Variants in ZFYVE26 observed in about 807,000 individuals in gnomAD.
ZFYVE26 encodes the protein zinc finger FYVE-type containing 26, also known as zinc finger FYVE domain-containing protein 26.
A neutral mutation model predicts 276.5 loss-of-function variants in ZFYVE26; 181 were observed. That is an observed-to-expected ratio of 0.65 (90% CI 0.58 to 0.74). The LOEUF is 0.74. Among genes scored for constraint, ZFYVE26 ranks in the 30% least tolerant of loss-of-function variants. The pLI is 0.00. For synonymous variants in ZFYVE26, 1,129 were observed against 1,203.1 expected, an observed-to-expected ratio of 0.94 and a Z score of 1.27; for missense variants, 2,821 against 3,097.9, an observed-to-expected ratio of 0.91 and a Z score of 2.12.
At chr14:67,790,289 G>T (rs2039776686) in intron 15 of ZFYVE26, among the ~76,000 whole-genome samples, 1 of 152,200 alleles carries the variant, frequency 6.6e-6, no homozygotes, top group South Asian at 2.1e-4. Flanking sequence ...CAGAGACAGT[G>T]GCCATCAAAA....
Position 67,775,082 on chromosome 14 carries a change from G to A in ZFYVE26, c.5254C>T (p.Gln1752Ter). ...SVIHLQEIVHQAADPETLPRS... is the reference protein window; with the variant it reads ...SVIHLQEIVH ...GGGAGGGTCTCGGGATCTGCAGCCT[G>A]GTGGACAATTTCTTGGAGGTGAATC... Residue 1752 changes from glutamine to a stop codon, truncating the protein, a stop_gained, in exon 27 of 42, where the codon CAG (glutamine) becomes TAG (stop). Transcript: ENST00000347230. LOFTEE classifies it high-confidence loss of function. The A allele has an allele frequency of 6.2e-7, 1 of 1,611,702 alleles. No homozygotes were observed. The highest frequency in any genetic ancestry group is 8.5e-7 in the Non-Finnish European group (1 of 1,179,290).
chr14:67,786,088 GAAGAA>G, intron 17 of ZFYVE26, 21 bp downstream of exon 17: 1 of 1,613,782 alleles, frequency 6.2e-7, no homozygotes, highest in Non-Finnish European at 8.5e-7. Flanking sequence ...AAGTCCAGGA[GAAGAA>G]AAGAGAAAAA....
intron 35 of ZFYVE26, chr14:67,760,981 C>G (rs1027371141): frequency 1.7e-5 from 9 of 516,584 alleles, no homozygotes; most frequent in Non-Finnish European, 3.1e-5. Context: ...GGGTCAGAAG[C>G]TGGACACCAT....
chr14:67,751,698 C>T (rs1361324897), intron 40 of ZFYVE26, among the ~76,000 whole-genome samples: 1 of 152,016 alleles, frequency 6.6e-6, no homozygotes, highest in Non-Finnish European at 1.5e-5. Flanking sequence ...ATGGTGAAAC[C>T]CCATCTCTAC....
rs765374714 is a variant in ZFYVE26, at chr14:67,735,141, G to A, written n.2680-5322C>T. The A allele has an allele frequency of 1.4e-5, 12 of 851,834 alleles. No individual in the cohort carries two copies. The East Asian group carries it at 1.9e-4, about 14-fold the overall frequency. 52.8% of individuals were successfully genotyped at this position (851,834 alleles called of 1,614,324 possible). A position where few individuals can be genotyped will look rare whatever the true frequency, so the allele number is the denominator to read the frequency against. ...CAATGATAGGCATGGGTGTTGATTC[G>A]ACATGTTGTTGGCATTTTCAGAATA... On this transcript the variant is annotated intron_variant and non_coding_transcript_variant, in intron 13 of 14. Transcript: ENST00000394455.
At chr14:67,740,175 T>C (rs114641651) in intron 13 of ZFYVE26, among the ~76,000 whole-genome samples, 1 of 152,186 alleles carries the variant, frequency 6.6e-6, no homozygotes, top group Non-Finnish European at 1.5e-5. Flanking sequence ...ACAAAATTTT[T>C]TTTTCCTGTT....
chr14:67,790,127 T>C (rs762583572), intron 15 of ZFYVE26, among the ~76,000 whole-genome samples: 12 of 152,248 alleles, frequency 7.9e-5, no homozygotes, highest in South Asian at 2.1e-4. Flanking sequence ...TGGGCTCTTT[T>C]GCAGTGCATC....
At chr14:67,738,518 G>A (rs11158688) in intron 13 of ZFYVE26, among the ~76,000 whole-genome samples, 64,059 of 150,530 alleles carry the variant, frequency 0.43, 16,215 homozygotes, top group Non-Finnish European at 0.59. Context: ...AATTATACAC[G>A]TATATACTTG....
Position 67,781,318 on chromosome 14 carries a change from T to A in ZFYVE26, c.4569+15A>T, listed in dbSNP as rs778011742. 19 of 1,613,864 alleles carry A rather than the reference T, an allele frequency of 1.2e-5. No individual in the cohort carries two copies. The East Asian group carries it at 1.3e-4, about 11-fold the overall frequency. Reference sequence around the variant, plus strand: ...GAGAAGCCCGTTCCCTTTCTCTTGATGCGAGGGCCCATACCTTCTGATACA... The same window carrying A: ...GAGAAGCCCGTTCCCTTTCTCTTGAAGCGAGGGCCCATACCTTCTGATACA... On this transcript the variant is annotated intron_variant, in intron 22 of 41. Coordinates refer to ENST00000347230, the MANE Select transcript of ZFYVE26 (RefSeq NM_015346.4).
chr14:67,804,046 T>C, intron 9 of ZFYVE26, 55 bp downstream of exon 9: 3 of 1,602,882 alleles, frequency 1.9e-6, no homozygotes, highest in Non-Finnish European at 2.6e-6. Context: ...CTGGAAGAAA[T>C]GTGTAAGAAT....
In ZFYVE26 at chr14:67,804,105, C is replaced by T; in HGVS notation, c.1431G>A (p.Glu477=). 1 of 1,614,130 alleles carries T rather than the reference C, an allele frequency of 6.2e-7. No individual in the cohort carries two copies. The highest frequency in any genetic ancestry group is 2.2e-5 in the East Asian group (1 of 44,882). Residue 477 remains glutamate, a synonymous_variant, in exon 9 of 42, where the codon GAG becomes GAA. Coordinates refer to ENST00000347230, the MANE Select transcript of ZFYVE26 (RefSeq NM_015346.4). The part of the protein sequence containing the change: ...QKVPAKDPQQ[E]PDAVDAPVPE... ...GGTCATTCCATCCCAACTCACCAGG[C>T]TCTTGCTGGGGGTCCTTGGCTGGCA...
At chr14:67,737,088 C>CTTTTTTTTTT (rs71129855) in intron 13 of ZFYVE26, among the ~76,000 whole-genome samples, 32 of 104,690 alleles carry the variant, frequency 3.1e-4, no homozygotes, top group Non-Finnish European at 4.7e-4. Context: ...TTTTTCTTTT[C>CTTTTTTTTTT]TTTTTTTTTT....
chr14:67,769,522 C>CCTA (rs1437687981), intron 29 of ZFYVE26, 72 bp downstream of exon 29: 1 of 1,604,734 alleles, frequency 6.2e-7, no homozygotes, highest in Non-Finnish European at 8.5e-7. Context: ...TAATGAGACT[C>CCTA]CTAGGAGTGT....
intron 32 of ZFYVE26, 146 bp downstream of exon 32, chr14:67,766,081 G>A (rs1026921925): frequency 1.6e-5 from 13 of 836,046 alleles, no homozygotes; most frequent in African/African-American, 1.5e-4. Context: ...TGGCAACACC[G>A]TTTCATCAAC....
Position 67,776,122 on chromosome 14 carries a change from A to C in ZFYVE26, c.4975-16T>G. On this transcript the variant is annotated splice_polypyrimidine_tract_variant and intron_variant, in intron 25 of 41. Coordinates refer to ENST00000347230, the MANE Select transcript of ZFYVE26 (RefSeq NM_015346.4). Reference sequence around the variant, plus strand: ...TCAGCAGAATCTGTTTGTGGGGTAGATCCATAGAGTAAAGAAAATAGTACA... The same window carrying C: ...TCAGCAGAATCTGTTTGTGGGGTAGCTCCATAGAGTAAAGAAAATAGTACA... 1 of 1,613,968 alleles carries C rather than the reference A, an allele frequency of 6.2e-7. No individual in the cohort carries two copies. Among genetic ancestry groups the C allele is most frequent in the Non-Finnish European group, 8.5e-7 (1 of 1,179,928 alleles).
chr14:67,799,152 C>G (rs1298317195), intron 10 of ZFYVE26: 7 of 1,543,734 alleles, frequency 4.5e-6, no homozygotes, highest in Non-Finnish European at 6.3e-6. Context: ...AAAAAGATAT[C>G]TTTAGAGGAC....
chr14:67,774,476 G>C (rs1460520088), intron 27 of ZFYVE26, among the ~76,000 whole-genome samples: 1 of 147,986 alleles, frequency 6.8e-6, no homozygotes, highest in Non-Finnish European at 1.5e-5. Flanking sequence ...TCCACCCTGA[G>C]CAACAGAGCA....
rs375501364 is a variant in ZFYVE26 at position 67,789,313 on chromosome 14, A to G, written c.3019+22T>C. ...CCATCTCATTTGAGAATGAAGGGAT[A>G]CAGCTAACACAGCACACTCACCCCG... On this transcript the variant is annotated intron_variant, in intron 16 of 41. Transcript: ENST00000347230. 52 of 1,613,810 alleles carry G rather than the reference A, an allele frequency of 3.2e-5. No individual in the cohort carries two copies. In the African/African-American group the frequency reaches 4.4e-4, roughly 14 times the overall value.
chr14:67,785,217 G>A lies in ZFYVE26; in HGVS notation c.3365C>T (p.Ala1122Val), dbSNP rs3742884. ...VEQAAQKAPE[A>V]EAHPVQIQTQ... ...CTGGATCTGCACAGGGTGGGCCTCT[G>A]CCTCTGGAGCTTTCTGGGCTGCCTG... is the stretch of plus-strand genomic sequence containing the variant. The change falls in exon 19 of 42, where the codon GCA (alanine) becomes GTA (valine). Residue 1122 changes from alanine to valine, a missense_variant. Coordinates refer to ENST00000347230, the MANE Select transcript of ZFYVE26 (RefSeq NM_015346.4). 0.022 allele frequency: 35,411 copies of A among 1,613,908 alleles called. 844 individuals are homozygous for A. Among genetic ancestry groups the A allele is most frequent in the African/African-American group, 0.12 (9,004 of 75,002 alleles).
Sources: gnomAD v4.1 joint callset for allele counts (sites outside exome capture counted in the v4.1 genomes callset) on GRCh38, gnomAD v4.1.1 for gene constraint, MANE v1.5 for transcripts, NCBI Gene and HGNC (gene_info 2026-07-23, HGNC 2026-07-21) for gene names.